CNR2: variants seen among roughly 807,000 people sequenced by gnomAD.
The protein encoded by CNR2 is cannabinoid receptor 2 (macrophage).
For missense variants in CNR2, 379 were observed against 439.9 expected (o/e 0.86, Z 1.24); for synonymous variants, 172 against 182.2 (o/e 0.94, Z 0.45).
chr1:23,907,697 T>C (rs6679436), intron 1 of CNR2: 143,262 of 151,900 alleles, frequency 0.94, 68,080 homozygotes, highest in East Asian at 1. Flanking sequence ...TTCACCATGT[T>C]GGCCAGGCTG....
chr1:23,899,062 C>G (rs1317733094), intron 1 of CNR2, among the ~76,000 whole-genome samples: 1 of 152,068 alleles, frequency 6.6e-6, no homozygotes, highest in African/African-American at 2.4e-5. Flanking sequence ...ATCAAAATTG[C>G]TAAAAGAGTA....
chr1:23,911,596 G>A (rs1640585629), intron 1 of CNR2, among the ~76,000 whole-genome samples: 1 of 152,136 alleles, frequency 6.6e-6, no homozygotes, highest in Non-Finnish European at 1.5e-5. Context: ...TATTGAATGT[G>A]ACTTCAACTG....
chr1:23,880,187 T>C (rs1165710697), intron 1 of CNR2, among the ~76,000 whole-genome samples: 1 of 148,408 alleles, frequency 6.7e-6, no homozygotes, highest in South Asian at 2.2e-4. Flanking sequence ...TTCCAACTCT[T>C]TTTTTTTTGA....
Position 23,875,417 on chromosome 1 carries a change from C to T in CNR2, c.201G>A (p.Lys67=), listed in dbSNP as rs1639855852. The T allele has an allele frequency of 6.2e-7, 1 of 1,614,236 alleles. No homozygotes were observed. The highest frequency in any genetic ancestry group is 8.5e-7 in the Non-Finnish European group (1 of 1,180,038). ...AGCTGCCAATGAACAGGTATGAGGG[C>T]TTCCGGCGGAGTTGGTGGGAGGACA... The part of the protein sequence containing the change: ...LILSSHQLRR[K]PSYLFIGSLA... The change falls in exon 2 of 2, where the codon AAG becomes AAA. Residue 67 remains lysine, a synonymous_variant. Transcript: ENST00000374472.
At chr1:23,896,102 G>A (rs1640278456) in intron 1 of CNR2, among the ~76,000 whole-genome samples, 1 of 152,060 alleles carries the variant, frequency 6.6e-6, no homozygotes, top group Admixed American at 6.6e-5. Flanking sequence ...GGCCTTAAGT[G>A]ATCCTCCCGC....
intron 1 of CNR2, chr1:23,901,587 C>T: frequency 1.2e-6 from 2 of 1,612,800 alleles, no homozygotes; most frequent in South Asian, 2.2e-5. Flanking sequence ...TGCGTCATCC[C>T]CTCCTGCCCA....
chr1:23,885,483 A>G (rs757640607), intron 1 of CNR2, among the ~76,000 whole-genome samples: 8 of 152,148 alleles, frequency 5.3e-5, no homozygotes, highest in Non-Finnish European at 1.2e-4. Flanking sequence ...ATAAATTACT[A>G]TCATACATGG....
intron 1 of CNR2, among the ~76,000 whole-genome samples, chr1:23,899,919 AAGAGAAAGAAAGAGAAAGAAAGGAAAG>A (rs1640363806): frequency 3.5e-4 from 1 of 2,876 alleles, no homozygotes; most frequent in Non-Finnish European, 1.6e-3. Context: ...GAAAGAAAGA[AAGAGAAAGAAAGAGAAAGAAAGGAAAG>A]AGAAAGAAAG....
At position 23,875,461 on chromosome 1, in the gene CNR2, C is replaced by G; in HGVS notation, c.157G>C (p.Ala53Pro). 2 of 1,614,214 alleles carry G rather than the reference C, an allele frequency of 1.2e-6. No individual in the cohort carries two copies. Among genetic ancestry groups the G allele is most frequent in the Non-Finnish European group, 1.7e-6 (2 of 1,180,040 alleles). ...LGLLSALENV[A>P]VLYLILSSHQ... ...GAGGACAGGATCAGATAGAGCACAG[C>G]CACGTTCTCCAGGGCACTTAGCAGG... Residue 53 changes from alanine (A) to proline (P), a missense_variant, in exon 2 of 2, where the codon GCT (alanine) becomes CCT (proline). Transcript: ENST00000374472.
chr1:23,875,691 T>A (rs999986294), intron 1 of CNR2, 29 bp from the exon 2 acceptor site: 3 of 1,497,936 alleles, frequency 2.0e-6, no homozygotes, highest in African/African-American at 1.4e-5. Flanking sequence ...AAGAAAATAA[T>A]CTTTTTCAGT....
At chr1:23,891,402 T>G (rs1640187868) in intron 1 of CNR2, among the ~76,000 whole-genome samples, 1 of 151,712 alleles carries the variant, frequency 6.6e-6, no homozygotes, top group Non-Finnish European at 1.5e-5. Context: ...GCAGATCACC[T>G]GAGTTCAGGA....
intron 1 of CNR2, chr1:23,902,347 G>T: frequency 6.4e-7 from 1 of 1,574,496 alleles, no homozygotes; most frequent in South Asian, 1.1e-5. Flanking sequence ...TCCTCAAACA[G>T]CCGGCTCTGG....
chr1:23,904,266 G>A (rs565568968), intron 1 of CNR2, among the ~76,000 whole-genome samples: 5 of 149,774 alleles, frequency 3.3e-5, no homozygotes, highest in South Asian at 4.3e-4. Context: ...TCTGCTTCCC[G>A]GGTTCAAGTG....
chr1:23,905,738 A>G (rs1640476754), intron 1 of CNR2, among the ~76,000 whole-genome samples: 1 of 152,150 alleles, frequency 6.6e-6, no homozygotes. Flanking sequence ...GACGAGGAAC[A>G]GCCAGGGATA....
At chr1:23,898,203 A>AT (rs950416579) in intron 1 of CNR2, among the ~76,000 whole-genome samples, 4 of 147,650 alleles carry the variant, frequency 2.7e-5, no homozygotes, top group African/African-American at 5.0e-5. Context: ...TTTTTTTATT[A>AT]TTTTTTTGTA....
rs890985275 is a variant in CNR2, at chr1:23,875,810, C to T, written c.-45-148G>A. 4.3e-6 allele frequency: 3 copies of T among 693,714 alleles called. No homozygotes were observed. In the African/African-American group the frequency reaches 5.3e-5, roughly 12 times the overall value. 43.0% of individuals were successfully genotyped at this position (693,714 alleles called of 1,614,324 possible). On this transcript the variant is annotated intron_variant, in intron 1 of 1. Transcript: ENST00000374472. ...TTCTGTTTTGTTTGCCTGTATTTTG[C>T]CCTTTCTCCATCCAAGCAGGAAGCC...
rs1639827809 is a variant in CNR2, at chr1:23,874,476, C to T, written c.*59G>A. 1 of 1,539,644 alleles carries T rather than the reference C, an allele frequency of 6.5e-7. No homozygotes were observed. Among genetic ancestry groups the T allele is most frequent in the South Asian group, 1.2e-5 (1 of 81,716 alleles). ...GAAGAGAGTGCCAAGACCCCTCTCT[C>T]TCTTCCAGGGAGTGAACTGATTTCT... On this transcript the variant is annotated 3_prime_UTR_variant, in exon 2 of 2. Coordinates refer to ENST00000374472, the MANE Select transcript of CNR2 (RefSeq NM_001841.3).
chr1:23,885,135 C>G (rs1022460486), intron 1 of CNR2, among the ~76,000 whole-genome samples: 1 of 152,040 alleles, frequency 6.6e-6, no homozygotes, highest in Non-Finnish European at 1.5e-5. Flanking sequence ...TACAGTGGCT[C>G]ACACCAGTAA....
intron 1 of CNR2, among the ~76,000 whole-genome samples, chr1:23,910,641 C>T (rs535841935): frequency 1.4e-4 from 3 of 21,792 alleles, no homozygotes; most frequent in Non-Finnish European, 2.5e-4. Context: ...GCAACAAGAG[C>T]AAAACGCTGT....
Sources: gnomAD v4.1 joint callset for allele counts (sites outside exome capture counted in the v4.1 genomes callset) on GRCh38, gnomAD v4.1.1 for gene constraint, MANE v1.5 for transcripts, NCBI Gene and HGNC (gene_info 2026-07-23, HGNC 2026-07-21) for gene names.